Variants in ASMT observed in about 807,000 individuals in gnomAD.
ASMT encodes acetylserotonin N-methyltransferase.
ASMT carries 53 observed loss-of-function variants against 41.3 expected under a neutral mutation model. That is an observed-to-expected ratio of 1.28 (90% CI 1.03 to 1.61). The LOEUF is 1.61. ASMT is among the 40% of genes most tolerant of loss of function. The pLI is 0.00. For missense variants in ASMT, 531 were observed against 441.3 expected (o/e 1.20, Z -1.82); for synonymous variants, 231 against 184.8 (o/e 1.25, Z -2.03).
rs182916978 is a variant in ASMT at position 1,616,097 on chromosome X, T to C, written c.69+829T>C. Among the ~76,000 whole-genome samples, 123 of 151,286 alleles carry C rather than the reference T, an allele frequency of 8.1e-4. 1 individual carries two copies. Among genetic ancestry groups the C allele is most frequent in the East Asian group, 4.5e-3 (23 of 5,096 alleles). On this transcript the variant is annotated intron_variant, in intron 1 of 8. Transcript: ENST00000381241. Reference sequence around the variant, plus strand: ...AGGCTGGAGTGCAGTGGCACGGTCTTGGCTCACTGCAACCTCCGCCTCCAG... The same window carrying C: ...AGGCTGGAGTGCAGTGGCACGGTCTCGGCTCACTGCAACCTCCGCCTCCAG...
At chrX:1,617,070 G>C (rs1484042822) in intron 1 of ASMT, among the ~76,000 whole-genome samples, 1 of 152,168 alleles carries the variant, frequency 6.6e-6, no homozygotes, top group Non-Finnish European at 1.5e-5. Context: ...CTACTCAGGA[G>C]GCTGAGGCGG....
At chrX:1,625,914 C>G (rs1250186114) in intron 3 of ASMT, among the ~76,000 whole-genome samples, 2 of 143,890 alleles carry the variant, frequency 1.4e-5, no homozygotes, top group African/African-American at 5.2e-5. Flanking sequence ...AAGATCGCAC[C>G]ACTGCACTCC....
chrX:1,640,616 G>A (rs1222394413), intron 8 of ASMT, among the ~76,000 whole-genome samples: 1 of 23,346 alleles, frequency 4.3e-5, no homozygotes, highest in Non-Finnish European at 7.2e-5. Context: ...GCCTCTGTGT[G>A]TGAGATAGGG....
rs748447658 is a variant in ASMT, at chrX:1,615,194, G to A, written c.-6G>A. On this transcript the variant is annotated 5_prime_UTR_variant, in exon 1 of 9. Transcript: ENST00000381241. The stretch of plus-strand genomic sequence containing the variant: ...CTCCGGAAGCCACGGCTGGATTGGA[G>A]ACAAGATGGGATCCTCAGAGGACCA... 1 of 1,589,376 alleles carries A rather than the reference G, an allele frequency of 6.3e-7. No individual in the cohort carries two copies. The highest frequency in any genetic ancestry group is 1.3e-5 in the African/African-American group (1 of 74,526).
At position 1,624,393 on chromosome X, in the gene ASMT, C is replaced by A. The variant is rs776884524; in HGVS notation, c.369C>A (p.Ala123=). The A allele has an allele frequency of 1.9e-6, 3 of 1,612,926 alleles. No individual in the cohort carries two copies. The South Asian group carries it at 3.3e-5, about 18-fold the overall frequency. The change falls in exon 3 of 9, where the codon GCC becomes GCA. Residue 123 remains alanine, a synonymous_variant. Coordinates refer to ENST00000381241, the MANE Select transcript of ASMT (RefSeq NM_001171038.2). The part of the protein sequence containing the change: ...SYRCWGHLAD[A]VREGRNQYLE... Reference sequence around the variant, plus strand: ...GGTGCTGGGGCCACCTGGCAGACGCCGTGAGGTGGGGGCTGCCCCCAGGCA... The same window carrying A: ...GGTGCTGGGGCCACCTGGCAGACGCAGTGAGGTGGGGGCTGCCCCCAGGCA...
In ASMT at chrX:1,642,795, C is replaced by CT. The variant is rs1245229244; in HGVS notation, c.911-5dup. ...TGTGTGATGTGGACTGTGCCCCTCCCTTTCTAGGTGGTGGCATTCTGGTAA... is the reference window on the plus strand; with the variant it reads ...TGTGTGATGTGGACTGTGCCCCTCCCTTTTCTAGGTGGTGGCATTCTGGTAA... On this transcript the variant is annotated splice_region_variant and splice_polypyrimidine_tract_variant and intron_variant, in intron 8 of 8. Coordinates refer to ENST00000381241, the MANE Select transcript of ASMT (RefSeq NM_001171038.2). The CT allele has an allele frequency of 2.5e-5, 41 of 1,613,578 alleles. No individual in the cohort carries two copies. Among genetic ancestry groups the CT allele is most frequent in the Non-Finnish European group, 3.5e-5 (41 of 1,179,634 alleles).
intron 4 of ASMT, chrX:1,628,059 G>C: frequency 2.0e-6 from 1 of 503,082 alleles, no homozygotes; most frequent in South Asian, 2.2e-5. Flanking sequence ...GGTGGCTCAC[G>C]CCTGTCATCC....
In ASMT at chrX:1,636,548, A is replaced by G; in HGVS notation, c.898A>G (p.Thr300Ala). 1 of 1,611,930 alleles carries G rather than the reference A, an allele frequency of 6.2e-7. No individual in the cohort carries two copies. The highest frequency in any genetic ancestry group is 8.5e-7 in the Non-Finnish European group (1 of 1,179,512). ...CSHLLERIYH[T>A]CKPGGGILVI... is the part of the protein sequence containing the mutation. Reference sequence around the variant, plus strand: ...ACACCTGCTGGAGAGGATCTACCACACTTGCAAGCCAGGTAAGTTGTGGGG... The same window carrying G: ...ACACCTGCTGGAGAGGATCTACCACGCTTGCAAGCCAGGTAAGTTGTGGGG... Residue 300 changes from threonine (T) to alanine (A), a missense_variant, in exon 8 of 9, where the codon ACT becomes GCT. By Grantham distance (58) the Thr-to-Ala change is moderately conservative. Coordinates refer to ENST00000381241, the MANE Select transcript of ASMT (RefSeq NM_001171038.2).
intron 8 of ASMT, among the ~76,000 whole-genome samples, chrX:1,642,234 G>C (rs1377471868): frequency 1.3e-5 from 2 of 148,740 alleles, no homozygotes; most frequent in South Asian, 2.1e-4. Flanking sequence ...CACCCATCTT[G>C]ATGGTTCATG....
chrX:1,628,001 C>T (rs1934620780), intron 4 of ASMT: 7 of 610,990 alleles, frequency 1.1e-5, no homozygotes, highest in Non-Finnish European at 1.5e-5. Flanking sequence ...GAAAGGACTA[C>T]TCACAAACTC....
intron 1 of ASMT, among the ~76,000 whole-genome samples, chrX:1,620,434 C>T (rs185699687): frequency 6.6e-5 from 10 of 151,926 alleles, no homozygotes; most frequent in Admixed American, 5.9e-4. Flanking sequence ...TCCCAAAGTG[C>T]TGGGATGACA....
Position 1,615,068 on chromosome X carries a change from C to G in ASMT, c.-132C>G. On this transcript the variant is annotated 5_prime_UTR_variant, in exon 1 of 9. Coordinates refer to ENST00000381241, the MANE Select transcript of ASMT (RefSeq NM_001171038.2). Reference sequence around the variant, plus strand: ...AGAGTGATCCGTCTTTGTTTGAGTACTGGGCAGGCAGCAGGGAGAGTCAGG... The same window carrying G: ...AGAGTGATCCGTCTTTGTTTGAGTAGTGGGCAGGCAGCAGGGAGAGTCAGG... The G allele has an allele frequency of 1.3e-6, 1 of 762,054 alleles. No individual in the cohort carries two copies. Among genetic ancestry groups the G allele is most frequent in the Non-Finnish European group, 2.3e-6 (1 of 426,896 alleles). The allele number at this position is 762,054 out of a possible 1,614,324, so 47.2% of individuals were successfully genotyped here. A position where few individuals can be genotyped will look rare whatever the true frequency, so the allele number is the denominator to read the frequency against.
At chrX:1,628,567 T>A (rs1462576045) in intron 4 of ASMT, among the ~76,000 whole-genome samples, 4 of 151,616 alleles carry the variant, frequency 2.6e-5, no homozygotes, top group African/African-American at 9.7e-5. Flanking sequence ...GTGGTTCGCC[T>A]GCCCCCCAAC....
At chrX:1,616,235 G>C (rs1251966408) in intron 1 of ASMT, among the ~76,000 whole-genome samples, 4 of 151,410 alleles carry the variant, frequency 2.6e-5, no homozygotes, top group Non-Finnish European at 4.4e-5. Context: ...CACCATGTTG[G>C]CCAGGCTGGT....
intron 1 of ASMT, 114 bp from the exon 2 acceptor site, chrX:1,623,025 G>T: frequency 3.1e-6 from 3 of 971,666 alleles, no homozygotes; most frequent in Admixed American, 2.4e-5. Flanking sequence ...AAATGAATAA[G>T]AATATAAATA....
intron 3 of ASMT, 147 bp from the exon 4 acceptor site, chrX:1,627,556 G>C: frequency 2.4e-6 from 2 of 841,156 alleles, no homozygotes; most frequent in Non-Finnish European, 2.1e-6. Flanking sequence ...AGAAGGCAGA[G>C]GTTGCAGTGA....
chrX:1,626,397 G>A, intron 3 of ASMT, among the ~76,000 whole-genome samples: 1 of 151,892 alleles, frequency 6.6e-6, no homozygotes, highest in East Asian at 1.9e-4. Context: ...ACACCTGGCT[G>A]ATTGTTTGTG....
intron 3 of ASMT, among the ~76,000 whole-genome samples, chrX:1,625,547 A>AGGGAGGGAGGGAGGGAGGGAAAGGGG (rs1934503630): frequency 1.5e-5 from 1 of 65,740 alleles, no homozygotes; most frequent in Non-Finnish European, 2.8e-5. Context: ...GAAGGAAGGG[A>AGGGAGGGAGGGAGGGAGGGAAAGGGG]GGGAGGGAGG....
rs753903256 is a variant in ASMT at position 1,625,729 on chromosome X, C to T, written c.374+1331C>T. ...CAGCACTTTGGGAGGCTGAGGCGGG[C>T]GGATCACGAGGTCAGGAGATCGAGA... is the stretch of plus-strand genomic sequence containing the variant. On this transcript the variant is annotated intron_variant, in intron 3 of 8. Transcript: ENST00000381241. 2.7e-3 allele frequency among the ~76,000 whole-genome samples: 402 copies of T among 151,182 alleles called. 1 individual carries two copies. The highest frequency in any genetic ancestry group is 0.015 in the South Asian group (74 of 4,792).
Sources: gnomAD v4.1 joint callset for allele counts (sites outside exome capture counted in the v4.1 genomes callset) on GRCh38, gnomAD v4.1.1 for gene constraint, MANE v1.5 for transcripts, NCBI Gene and HGNC (gene_info 2026-07-23, HGNC 2026-07-21) for gene names.